ZNF236: variants seen among roughly 807,000 people sequenced by gnomAD.
ZNF236 encodes the protein regulated by glucose.
In ZNF236, 50 loss-of-function variants were observed where a neutral mutation model predicts 191.2. The ratio of observed to expected loss-of-function variants is 0.26; its 90% CI spans 0.21 to 0.33. The LOEUF (loss-of-function observed/expected upper bound fraction) is 0.33. Among genes scored for constraint, ZNF236 ranks in the 10% least tolerant of loss-of-function variants. ZNF236 has a pLI of 1.00. For synonymous variants in ZNF236, 907 were observed against 928.8 expected, an observed-to-expected ratio of 0.98 and a Z score of 0.43; for missense variants, 1,754 against 2,374.5, an observed-to-expected ratio of 0.74 and a Z score of 5.43.
At chr18:76,953,399 A>T (rs1968454150) in intron 27 of ZNF236, among the ~76,000 whole-genome samples, 2 of 152,186 alleles carry the variant, frequency 1.3e-5, no homozygotes, top group South Asian at 4.1e-4. Flanking sequence ...GGCTCCCACT[A>T]GGCATGTGGT....
intron 1 of ZNF236, among the ~76,000 whole-genome samples, chr18:76,833,768 A>G (rs1414767658): frequency 6.6e-6 from 1 of 152,172 alleles, no homozygotes; most frequent in East Asian, 1.9e-4. Flanking sequence ...GGTTGACATT[A>G]TATGGTTTTT....
chr18:76,855,740 A>T (rs545063199), intron 3 of ZNF236, among the ~76,000 whole-genome samples: 26 of 152,134 alleles, frequency 1.7e-4, no homozygotes, highest in African/African-American at 5.8e-4. Context: ...TTTGGTTATC[A>T]CTGTTGTGGG....
intron 2 of ZNF236, among the ~76,000 whole-genome samples, chr18:76,850,426 G>A (rs1466867403): frequency 6.6e-6 from 1 of 152,112 alleles, no homozygotes; most frequent in East Asian, 1.9e-4. Context: ...TCTCAGGTTC[G>A]ACAATCTGAA....
intron 9 of ZNF236, among the ~76,000 whole-genome samples, chr18:76,884,104 A>G (rs889853813): frequency 2.6e-5 from 4 of 152,236 alleles, no homozygotes; most frequent in African/African-American, 4.8e-5. Flanking sequence ...AATTTTTAGT[A>G]AAGTTTGAAA....
intron 1 of ZNF236, among the ~76,000 whole-genome samples, chr18:76,829,796 C>T (rs1188563967): frequency 6.6e-6 from 1 of 152,242 alleles, no homozygotes; most frequent in Non-Finnish European, 1.5e-5. Context: ...CCAGTGTGTT[C>T]GTGCCCCTCG....
intron 11 of ZNF236, among the ~76,000 whole-genome samples, chr18:76,900,059 T>G (rs534208732): frequency 6.6e-6 from 1 of 152,342 alleles, no homozygotes; most frequent in African/African-American, 2.4e-5. Flanking sequence ...ATGTGTGAAT[T>G]TACATTTTTA....
chr18:76,871,141 A>T (rs1187174062), intron 4 of ZNF236, among the ~76,000 whole-genome samples: 1 of 152,182 alleles, frequency 6.6e-6, no homozygotes, highest in Non-Finnish European at 1.5e-5. Flanking sequence ...CTGAGACTTA[A>T]ATTTGTGCAA....
At chr18:76,824,056 T>G (rs1486616591) in intron 1 of ZNF236, 3 of 466,340 alleles carry the variant, frequency 6.4e-6, no homozygotes, top group East Asian at 7.5e-5. Flanking sequence ...ATTTAACTGT[T>G]TAGCTTAGTG....
At chr18:76,948,665 C>T (rs746775391) in intron 27 of ZNF236, among the ~76,000 whole-genome samples, 14 of 152,214 alleles carry the variant, frequency 9.2e-5, no homozygotes, top group Non-Finnish European at 1.2e-4. Context: ...ACTGCTGATT[C>T]TCCCAGGAAA....
rs183602643 is a variant in ZNF236, at chr18:76,938,726, G to A, written c.4782+1383G>A. ...TACCCTCTTCTGAGGTGACCCAGGC[G>A]CACCGCACGCCAGGGTTCCTGCTCA... On this transcript the variant is annotated intron_variant, in intron 26 of 30. Transcript: ENST00000320610. Among the ~76,000 whole-genome samples the A allele has an allele frequency of 2.8e-3, 429 of 152,198 alleles. 6 individuals are homozygous for A. Among genetic ancestry groups the A allele is most frequent in the African/African-American group, 1.0e-2 (414 of 41,534 alleles).
At chr18:76,862,383 A>G (rs1273406249) in intron 3 of ZNF236, among the ~76,000 whole-genome samples, 3 of 152,272 alleles carry the variant, frequency 2.0e-5, no homozygotes, top group South Asian at 2.1e-4. Flanking sequence ...CGAGTACAGC[A>G]TTGAACTTCT....
intron 1 of ZNF236, among the ~76,000 whole-genome samples, chr18:76,842,730 A>G (rs1241606585): frequency 6.6e-6 from 1 of 152,064 alleles, no homozygotes; most frequent in African/African-American, 2.4e-5. Context: ...CAGCCTGGGC[A>G]ACAAGAGTGA....
intron 1 of ZNF236, chr18:76,824,474 C>G: frequency 1.3e-6 from 1 of 780,536 alleles, no homozygotes. Context: ...GGTGTCTGGC[C>G]TTTAAGGAAG....
At chr18:76,940,196 T>C (rs908742583) in intron 26 of ZNF236, among the ~76,000 whole-genome samples, 1 of 145,328 alleles carries the variant, frequency 6.9e-6, no homozygotes, top group African/African-American at 2.6e-5. Context: ...TGGGCTACCC[T>C]AGCACTGCAT....
At chr18:76,845,448 G>A (rs1186912798) in intron 1 of ZNF236, among the ~76,000 whole-genome samples, 5 of 152,142 alleles carry the variant, frequency 3.3e-5, no homozygotes, top group African/African-American at 7.2e-5. Flanking sequence ...GCATATTTTG[G>A]TATGTGTGTT....
intron 1 of ZNF236, among the ~76,000 whole-genome samples, chr18:76,839,965 C>T (rs1352488437): frequency 6.6e-6 from 1 of 152,030 alleles, no homozygotes; most frequent in African/African-American, 2.4e-5. Flanking sequence ...TCAGAAAGGC[C>T]CTGTTACTTT....
In ZNF236 at chr18:76,968,211, A is replaced by G. The variant is rs1968830361; in HGVS notation, c.5420-4A>G. The G allele has an allele frequency of 1.2e-6, 2 of 1,613,892 alleles. No homozygotes were observed. The highest frequency in any genetic ancestry group is 1.7e-6 in the Non-Finnish European group (2 of 1,179,904). Reference sequence around the variant, plus strand: ...TGCTTGTGTTTTCTTTGTCTGCATAACAGGAGCTCTGCAGGAGTCTGCAGG... The same window carrying G: ...TGCTTGTGTTTTCTTTGTCTGCATAGCAGGAGCTCTGCAGGAGTCTGCAGG... On this transcript the variant is annotated splice_region_variant and splice_polypyrimidine_tract_variant and intron_variant, in intron 30 of 30. Coordinates refer to ENST00000320610, the MANE Select transcript of ZNF236 (RefSeq NM_001306089.2).
In ZNF236 at chr18:76,960,973, T is replaced by A; in HGVS notation, c.5419+118T>A. The A allele has an allele frequency of 8.8e-7, 1 of 1,134,206 alleles. No homozygotes were observed. Among genetic ancestry groups the A allele is most frequent in the Non-Finnish European group, 1.2e-6 (1 of 821,022 alleles). 70.3% of individuals were successfully genotyped at this position (1,134,206 alleles called of 1,614,324 possible). On this transcript the variant is annotated intron_variant, in intron 30 of 30. Coordinates refer to ENST00000320610, the MANE Select transcript of ZNF236 (RefSeq NM_001306089.2). This position sits in a 1 kb window ranked among gnomAD's most constrained non-coding sequence, Gnocchi z 4.4. ...ATTTTGCATTGCACGTGGTACAGCC[T>A]CAGTTGTGTGGACTGGAAGCTTGTG... is the stretch of plus-strand genomic sequence containing the variant.
chr18:76,922,184 G>A lies in ZNF236; in HGVS notation c.3558-887G>A, dbSNP rs188476226. ...AAATTAATCTTACCAGACCCCTCCCGACGAACACTGAGTTTCCACGCTTGG... is the reference window on the plus strand; with the variant it reads ...AAATTAATCTTACCAGACCCCTCCCAACGAACACTGAGTTTCCACGCTTGG... On this transcript the variant is annotated intron_variant, in intron 20 of 30. Coordinates refer to ENST00000320610, the MANE Select transcript of ZNF236 (RefSeq NM_001306089.2). 1.4e-3 allele frequency among the ~76,000 whole-genome samples: 211 copies of A among 152,188 alleles called. 1 individual carries two copies. Among genetic ancestry groups the A allele is most frequent in the Non-Finnish European group, 2.4e-4 (16 of 68,008 alleles).
Sources: allele counts gnomAD v4.1 joint callset (sites outside exome capture counted in the v4.1 genomes callset), GRCh38; gene constraint gnomAD v4.1.1; non-coding constraint Gnocchi (gnomAD v3.1); transcripts MANE v1.5; gene names NCBI Gene and HGNC (gene_info 2026-07-23, HGNC 2026-07-21).